Variants in CIITA observed in about 807,000 individuals in gnomAD.
CIITA encodes class II major histocompatibility complex transactivator.
CIITA carries 72 observed loss-of-function variants against 115.1 expected under a neutral mutation model. The observed-to-expected ratio is 0.63, with a 90% CI of 0.52 to 0.76. CIITA has a LOEUF of 0.76. Among genes scored for constraint, CIITA ranks in the 30% least tolerant of loss-of-function variants. The probability of loss-of-function intolerance (pLI) is 0.00; values close to 1 mark genes in which losing one functional copy is unlikely to be tolerated. For missense variants in CIITA, 1,617 were observed against 1,463.8 expected (o/e 1.10, Z -1.71); for synonymous variants, 763 against 635.6 (o/e 1.20, Z -3.02).
At chr16:10,899,097 G>A (rs187069627) in intron 5 of CIITA, 95 bp downstream of exon 5, 14 of 1,191,684 alleles carry the variant, frequency 1.2e-5, no homozygotes, top group Non-Finnish European at 1.7e-5. Flanking sequence ...TGCTTCCCTC[G>A]CTAAGTCCTG....
intron 1 of CIITA, among the ~76,000 whole-genome samples, 157 bp from the exon 2 acceptor site, chr16:10,895,125 T>C (rs2037990692): frequency 6.6e-6 from 1 of 152,166 alleles, no homozygotes; most frequent in South Asian, 2.1e-4. Context: ...TGTGGCTTGC[T>C]CTCTCCACCA....
chr16:10,894,253 T>C (rs1336587328), intron 1 of CIITA, among the ~76,000 whole-genome samples: 2 of 149,322 alleles, frequency 1.3e-5, no homozygotes, highest in Non-Finnish European at 2.9e-5. Flanking sequence ...TCACTTAGCA[T>C]TTTTTTTAAG....
intron 1 of CIITA, among the ~76,000 whole-genome samples, chr16:10,893,977 C>T (rs970938571): frequency 6.6e-6 from 1 of 151,988 alleles, no homozygotes. Context: ...TCCAAAATCC[C>T]TCTCTGCCAA....
At chr16:10,878,805 C>T (rs2036100282) in intron 1 of CIITA, among the ~76,000 whole-genome samples, 1 of 152,222 alleles carries the variant, frequency 6.6e-6, no homozygotes, top group South Asian at 2.1e-4. Context: ...TCTTGGATGC[C>T]CCAGGCAGTT....
In CIITA at chr16:10,929,798, G is replaced by A. The variant is rs1262948369; in HGVS notation, c.*5943G>A. 3 of 154,346 alleles carry A rather than the reference G, an allele frequency of 1.9e-5. No individual in the cohort carries two copies. The highest frequency in any genetic ancestry group is 4.3e-5 in the Non-Finnish European group (3 of 69,974). The allele number at this position is 154,346 out of a possible 1,614,324, so 9.6% of individuals were successfully genotyped here. The stretch of plus-strand genomic sequence containing the variant: ...CTAATTTCTCAGAGACCCTGGGCTG[G>A]AGAACCAGTGCAATGTCACACGGGA... On this transcript the variant is annotated 3_prime_UTR_variant, in exon 20 of 20. Coordinates refer to ENST00000324288, the MANE Select transcript of CIITA (RefSeq NM_000246.4). This position sits in a 1 kb window ranked among gnomAD's most constrained non-coding sequence, Gnocchi z 4.3.
At chr16:10,884,444 TCA>T (rs1476187285) in intron 1 of CIITA, among the ~76,000 whole-genome samples, 4 of 152,190 alleles carry the variant, frequency 2.6e-5, no homozygotes, top group Non-Finnish European at 5.9e-5. Context: ...AGACAAAGTC[TCA>T]CTCTGTTGCC....
At chr16:10,919,618 C>A (rs2040165620) in intron 16 of CIITA, among the ~76,000 whole-genome samples, 1 of 152,126 alleles carries the variant, frequency 6.6e-6, no homozygotes, top group Non-Finnish European at 1.5e-5. Context: ...AAGCGAACCT[C>A]CCACCTCAGC....
upstream of CIITA, among the ~76,000 whole-genome samples, chr16:10,873,838 G>A (rs1312126941): frequency 6.6e-6 from 1 of 152,038 alleles, no homozygotes; most frequent in African/African-American, 2.4e-5. Context: ...GGGTAAGACC[G>A]GCTTCAGCAG....
At chr16:10,900,089 A>G (rs1017259781) in intron 5 of CIITA, among the ~76,000 whole-genome samples, 2 of 152,014 alleles carry the variant, frequency 1.3e-5, no homozygotes, top group African/African-American at 4.8e-5. Flanking sequence ...TCAAACAACA[A>G]CAACCAAAAG....
chr16:10,887,476 GGGAAGTAT>G (rs768236153), intron 1 of CIITA, among the ~76,000 whole-genome samples: 54 of 149,782 alleles, frequency 3.6e-4, no homozygotes, highest in Non-Finnish European at 6.8e-4. Context: ...GTCAAGAGTA[GGGAAGTAT>G]TCCTTCTCAA....
intron 13 of CIITA, among the ~76,000 whole-genome samples, chr16:10,911,671 T>A (rs1458431088): frequency 6.6e-6 from 1 of 151,966 alleles, no homozygotes; most frequent in African/African-American, 2.4e-5. Flanking sequence ...TCCTCCCACC[T>A]CAGCCTCCCT....
In CIITA at chr16:10,907,173, G is replaced by A. The variant is rs1035299006; in HGVS notation, c.1681G>A (p.Asp561Asn). 1.6e-5 allele frequency: 26 copies of A among 1,613,308 alleles called. No homozygotes were observed. The highest frequency in any genetic ancestry group is 1.6e-4 in the East Asian group (7 of 44,866). The change falls in exon 11 of 20, where the codon GAC becomes AAC. Residue 561 changes from aspartate (D) to asparagine (N), a missense_variant. Coordinates refer to ENST00000324288, the MANE Select transcript of CIITA (RefSeq NM_000246.4). This position sits in a 1 kb window ranked among gnomAD's most constrained non-coding sequence, Gnocchi z 5.0. ...CCTGGTCCAGAGCCTGAGCAAGGCC[G>A]ACGCCCTATTTGAGCTGTCCGGCTT... ...GRLVQSLSKA[D>N]ALFELSGFSM...
intron 1 of CIITA, among the ~76,000 whole-genome samples, chr16:10,882,137 A>G (rs2036492489): frequency 6.6e-6 from 1 of 152,224 alleles, no homozygotes; most frequent in Non-Finnish European, 1.5e-5. Flanking sequence ...GGGTGGACAA[A>G]TATCTGTCTG....
intron 16 of CIITA, among the ~76,000 whole-genome samples, chr16:10,921,239 G>A (rs1236304918): frequency 3.3e-5 from 5 of 152,202 alleles, no homozygotes; most frequent in South Asian, 2.1e-4. Context: ...AATCATACCC[G>A]CAGCAGCACC....
intron 1 of CIITA, among the ~76,000 whole-genome samples, chr16:10,893,185 C>A (rs938066737): frequency 6.6e-6 from 1 of 152,156 alleles, no homozygotes; most frequent in East Asian, 1.9e-4. Context: ...GGCAGCGTGG[C>A]CCTGCTGACA....
At chr16:10,881,136 G>A (rs759700667) in intron 1 of CIITA, among the ~76,000 whole-genome samples, 4 of 151,984 alleles carry the variant, frequency 2.6e-5, no homozygotes, top group East Asian at 1.9e-4. Context: ...TGTTTTAGCC[G>A]GGCATGGTGG....
At position 10,906,481 on chromosome 16, in the gene CIITA, C is replaced by G. The variant is rs756230223; in HGVS notation, c.1007-18C>G. 1 of 1,610,998 alleles carries G rather than the reference C, an allele frequency of 6.2e-7. No homozygotes were observed. Among genetic ancestry groups the G allele is most frequent in the Non-Finnish European group, 8.5e-7 (1 of 1,179,760 alleles). On this transcript the variant is annotated intron_variant, in intron 10 of 19. Transcript: ENST00000324288. ...CCTCTCACATACCCCCACCCTGACACGCCCCTGGCCTTTGCAGAGCCGGTG... is the reference window on the plus strand; with the variant it reads ...CCTCTCACATACCCCCACCCTGACAGGCCCCTGGCCTTTGCAGAGCCGGTG...
intron 13 of CIITA, among the ~76,000 whole-genome samples, chr16:10,910,483 A>T (rs2039485652): frequency 6.6e-6 from 1 of 152,230 alleles, no homozygotes; most frequent in East Asian, 1.9e-4. Flanking sequence ...TAACATGGTC[A>T]TTCCCATCAC....
At chr16:10,922,541 G>A (rs2040331541) in intron 18 of CIITA, 51 bp downstream of exon 18, 2 of 1,582,062 alleles carry the variant, frequency 1.3e-6, no homozygotes, top group African/African-American at 1.3e-5. Context: ...CCCCAGGCGT[G>A]TGGCCCAGTG....
Sources: allele counts gnomAD v4.1 joint callset (sites outside exome capture counted in the v4.1 genomes callset), GRCh38; gene constraint gnomAD v4.1.1; non-coding constraint Gnocchi (gnomAD v3.1); transcripts MANE v1.5; gene names NCBI Gene and HGNC (gene_info 2026-07-23, HGNC 2026-07-21).